The following ASAP2 variants were observed in gnomAD, a reference collection of about 807,000 sequenced individuals.
The protein encoded by ASAP2 is ArfGAP with SH3 domain, ankyrin repeat and PH domain 2, also known as arf-GAP with SH3 domain, ANK repeat and PH domain-containing protein 2.
A neutral mutation model predicts 131.4 loss-of-function variants in ASAP2; 45 were observed. That is an observed-to-expected ratio of 0.34 (90% confidence interval 0.27 to 0.44). ASAP2 has a LOEUF of 0.44. ASAP2 is among the 20% of genes least tolerant of loss of function. ASAP2 has a pLI of 1.00. For synonymous variants in ASAP2, 510 were observed against 503.0 expected, an observed-to-expected ratio of 1.01 and a Z score of -0.19; for missense variants, 1,011 against 1,297.0, an observed-to-expected ratio of 0.78 and a Z score of 3.39.
intron 10 of ASAP2, 26 bp from the exon 11 acceptor site, chr2:9,344,705 T>C (rs1016942470): frequency 4.3e-6 from 7 of 1,613,312 alleles, no homozygotes; most frequent in African/African-American, 4.0e-5. Flanking sequence ...TCTAAACTCT[T>C]ATTGTTTCTC....
intron 3 of ASAP2, among the ~76,000 whole-genome samples, chr2:9,301,468 T>C (rs1439506586): frequency 6.6e-6 from 1 of 152,228 alleles, no homozygotes; most frequent in Non-Finnish European, 1.5e-5. Context: ...GTTCTTTTCC[T>C]CTTCCCCAAT....
chr2:9,326,510 A>G (rs1378508785), intron 6 of ASAP2, among the ~76,000 whole-genome samples: 2 of 152,346 alleles, frequency 1.3e-5, no homozygotes, highest in East Asian at 3.9e-4. Context: ...AAAATAGTAT[A>G]TACTTTTAAA....
intron 1 of ASAP2, among the ~76,000 whole-genome samples, chr2:9,211,859 G>T (rs1661584674): frequency 6.6e-6 from 1 of 152,244 alleles, no homozygotes; most frequent in African/African-American, 2.4e-5. Context: ...CCCCAGAACA[G>T]ATTATTGCTG....
chr2:9,225,216 A>G (rs537328878), intron 1 of ASAP2, among the ~76,000 whole-genome samples: 1 of 152,350 alleles, frequency 6.6e-6, no homozygotes, highest in Admixed American at 6.5e-5. Flanking sequence ...CTGCTCCTTT[A>G]TAGAAAAAGT....
intron 1 of ASAP2, among the ~76,000 whole-genome samples, chr2:9,239,966 T>A (rs759412190): frequency 6.6e-6 from 1 of 151,968 alleles, no homozygotes; most frequent in Non-Finnish European, 1.5e-5. Context: ...AAGAAGGAGG[T>A]CTTCTGTTTC....
At chr2:9,270,230 G>A (rs1040431021) in intron 1 of ASAP2, among the ~76,000 whole-genome samples, 3 of 152,102 alleles carry the variant, frequency 2.0e-5, no homozygotes, top group Non-Finnish European at 4.4e-5. Context: ...TCTTGCCTTT[G>A]TTTGTGTTTT....
At chr2:9,208,185 T>A (rs1661271804) in intron 1 of ASAP2, among the ~76,000 whole-genome samples, 1 of 152,192 alleles carries the variant, frequency 6.6e-6, no homozygotes, top group South Asian at 2.1e-4. Context: ...TGTGAAGTGC[T>A]TAGCACTCTG....
chr2:9,308,840 G>C (rs1027938436), intron 3 of ASAP2, among the ~76,000 whole-genome samples: 15 of 152,186 alleles, frequency 9.9e-5, no homozygotes, highest in Admixed American at 9.8e-4. Context: ...GTAATTGCAA[G>C]GGTTGAATGG....
At chr2:9,357,472 G>A (rs1672796356) in intron 14 of ASAP2, among the ~76,000 whole-genome samples, 1 of 152,016 alleles carries the variant, frequency 6.6e-6, no homozygotes, top group South Asian at 2.1e-4. Flanking sequence ...GAACGAGACT[G>A]TATTTAAAAC....
intron 1 of ASAP2, among the ~76,000 whole-genome samples, chr2:9,215,665 GT>G (rs34518071): frequency 4.4e-4 from 60 of 136,536 alleles, no homozygotes; most frequent in East Asian, 8.7e-4. Flanking sequence ...TGTTTAGCTA[GT>G]TTTTTTTTTT....
chr2:9,271,045 G>A (rs1316469101), intron 1 of ASAP2, among the ~76,000 whole-genome samples: 5 of 151,640 alleles, frequency 3.3e-5, no homozygotes, highest in African/African-American at 7.3e-5. Context: ...CACCTGCCTC[G>A]GCCTCCCAAA....
At chr2:9,211,263 A>G (rs1661528376) in intron 1 of ASAP2, among the ~76,000 whole-genome samples, 1 of 152,134 alleles carries the variant, frequency 6.6e-6, no homozygotes, top group Non-Finnish European at 1.5e-5. Flanking sequence ...ATTTTGTACA[A>G]TTTTAGCAAA....
chr2:9,276,856 G>A (rs1666791570), intron 1 of ASAP2, among the ~76,000 whole-genome samples: 1 of 152,062 alleles, frequency 6.6e-6, no homozygotes, highest in Non-Finnish European at 1.5e-5. Flanking sequence ...TTCTTTATTC[G>A]TGAGGTGTTT....
intron 1 of ASAP2, among the ~76,000 whole-genome samples, chr2:9,230,320 G>A (rs1572206240): frequency 6.6e-6 from 1 of 152,308 alleles, no homozygotes; most frequent in East Asian, 1.9e-4. Flanking sequence ...CCAGTGTTGG[G>A]GACCCAGAGG....
Position 9,389,612 on chromosome 2 carries a change from C to T in ASAP2, c.2383+1066C>T, listed in dbSNP as rs755967574. ...CCTGGGTGTCTCACAGACCCTCACACGGCTCTGCCCCTGTCATTCAGGGAG... is the reference window on the plus strand; with the variant it reads ...CCTGGGTGTCTCACAGACCCTCACATGGCTCTGCCCCTGTCATTCAGGGAG... On this transcript the variant is annotated intron_variant, in intron 22 of 27. Transcript: ENST00000281419. The surrounding 1 kb of genome is among the most constrained non-coding windows in gnomAD (Gnocchi z 4.7). Among the ~76,000 whole-genome samples the T allele has an allele frequency of 1.1e-4, 16 of 152,200 alleles. No homozygotes were observed. The highest frequency in any genetic ancestry group is 1.9e-4 in the East Asian group (1 of 5,200).
At chr2:9,305,399 T>C (rs62121314) in intron 3 of ASAP2, among the ~76,000 whole-genome samples, 13,750 of 88,940 alleles carry the variant, frequency 0.15, 4,535 homozygotes, top group Non-Finnish European at 0.22. Flanking sequence ...GGAGGGGCTG[T>C]AATAGTGGGG....
chr2:9,368,646 A>G (rs1296992016), intron 16 of ASAP2, 127 bp downstream of exon 16: 1 of 743,112 alleles, frequency 1.3e-6, no homozygotes, highest in South Asian at 1.7e-5. Context: ...AAATCAGCCT[A>G]TGTTGGGTTT....
chr2:9,368,663 T>A, intron 16 of ASAP2, 144 bp downstream of exon 16: 1 of 692,624 alleles, frequency 1.4e-6, no homozygotes, highest in Non-Finnish European at 2.4e-6. Flanking sequence ...GTTTTCTTAG[T>A]CACTTTAACC....
At position 9,358,823 on chromosome 2, in the gene ASAP2, G is replaced by T; in HGVS notation, c.1395G>T (p.Glu465Asp). Reference sequence around the variant, plus strand: ...TCGAGTGTTCCGGAATCCACCGAGAGCTGGGGGTTCATTATTCCAGGATGC... The same window carrying T: ...TCGAGTGTTCCGGAATCCACCGAGATCTGGGGGTTCATTATTCCAGGATGC... ...TCIECSGIHR[E>D]LGVHYSRMQS... The change falls in exon 15 of 28, where the codon GAG (glutamate) becomes GAT (aspartate). Residue 465 changes from glutamate to aspartate, a missense_variant. Coordinates refer to ENST00000281419, the MANE Select transcript of ASAP2 (RefSeq NM_003887.3). 6.2e-7 allele frequency: 1 copy of T among 1,613,802 alleles called. No individual in the cohort carries two copies. The highest frequency in any genetic ancestry group is 8.5e-7 in the Non-Finnish European group (1 of 1,179,930).
Sources: allele counts gnomAD v4.1 joint callset (sites outside exome capture counted in the v4.1 genomes callset), GRCh38; gene constraint gnomAD v4.1.1; non-coding constraint Gnocchi (gnomAD v3.1); transcripts MANE v1.5; gene names NCBI Gene and HGNC (gene_info 2026-07-23, HGNC 2026-07-21).